The following COL8A2 variants were observed in gnomAD, a reference collection of about 807,000 sequenced individuals.
The protein encoded by COL8A2 is collagen type VIII alpha 2 chain.
In COL8A2, 16 loss-of-function variants were observed where a neutral mutation model predicts 24.0. The ratio of observed to expected loss-of-function variants is 0.67; its 90% CI spans 0.45 to 1.01. The LOEUF is 1.01. Among genes scored for constraint, COL8A2 ranks in the 50% least tolerant of loss-of-function variants. COL8A2 has a pLI of 0.00. For synonymous variants in COL8A2, 466 were observed against 424.5 expected (o/e 1.10, Z -1.20); for missense variants, 818 against 942.4 (o/e 0.87, Z 1.73).
intron 2 of COL8A2, among the ~76,000 whole-genome samples, chr1:36,113,219 G>T (rs1257734294): frequency 6.6e-6 from 1 of 152,222 alleles, no homozygotes; most frequent in African/African-American, 2.4e-5. Flanking sequence ...CCATCGCTGT[G>T]TGTCACTGAA....
At chr1:36,109,581 CTTTTTT>C (rs10715688) in intron 2 of COL8A2, among the ~76,000 whole-genome samples, 2 of 141,112 alleles carry the variant, frequency 1.4e-5, no homozygotes, top group Non-Finnish European at 3.2e-5. Flanking sequence ...AGTAACCACT[CTTTTTT>C]TTTTTTTTTC....
chr1:36,117,563 G>A (rs1382618073), intron 1 of COL8A2, among the ~76,000 whole-genome samples: 1 of 152,196 alleles, frequency 6.6e-6, no homozygotes, highest in Non-Finnish European at 1.5e-5. Flanking sequence ...AATATTCATT[G>A]TGTACCCACT....
chr1:36,114,714 C>T (rs1007676265), intron 2 of COL8A2, among the ~76,000 whole-genome samples: 3 of 152,068 alleles, frequency 2.0e-5, no homozygotes, highest in Admixed American at 2.0e-4. Context: ...CTGAGGCGGG[C>T]ACAGGGCATG....
chr1:36,122,959 G>A (rs1263926148), intron 1 of COL8A2, among the ~76,000 whole-genome samples: 1 of 151,754 alleles, frequency 6.6e-6, no homozygotes, highest in Non-Finnish European at 1.5e-5. Context: ...CTCTGCACGA[G>A]CTGTGCCCTC....
intron 1 of COL8A2, among the ~76,000 whole-genome samples, chr1:36,121,983 C>T (rs1210498455): frequency 6.6e-6 from 1 of 152,184 alleles, no homozygotes; most frequent in Non-Finnish European, 1.5e-5. Flanking sequence ...ACCTCTTCTT[C>T]CCCTTCAAAA....
chr1:36,118,590 C>A (rs1167675553), intron 1 of COL8A2, among the ~76,000 whole-genome samples: 1 of 152,200 alleles, frequency 6.6e-6, no homozygotes, highest in East Asian at 1.9e-4. Flanking sequence ...TCCTGGAGCC[C>A]CTCCCCTGGC....
chr1:36,106,505 G>A (rs976192652), intron 2 of COL8A2, among the ~76,000 whole-genome samples: 1 of 152,112 alleles, frequency 6.6e-6, no homozygotes, highest in Non-Finnish European at 1.5e-5. Flanking sequence ...ACAGGGGGAT[G>A]GGGGAGCAGA....
Position 36,099,466 on chromosome 1 carries a change from G to A in COL8A2, c.215C>T (p.Pro72Leu), listed in dbSNP as rs367993938. Residue 72 changes from proline (P) to leucine (L), a missense_variant, in exon 4 of 4, where the codon CCG (proline) becomes CTG (leucine). Coordinates refer to ENST00000397799, the MANE Select transcript of COL8A2 (RefSeq NM_005202.4). ...QYLEMPLPLLPMDLKGEPGPP... is the reference protein window; with the variant it reads ...QYLEMPLPLLLMDLKGEPGPP... ...GCCGGGCTCTCCCTTCAGGTCCATC[G>A]GCAGCAGCGGTAGAGGCATTTCTGA... is the stretch of plus-strand genomic sequence containing the variant. 142 of 1,541,064 alleles carry A rather than the reference G, an allele frequency of 9.2e-5. 1 individual carries two copies. The highest frequency in any genetic ancestry group is 2.2e-4 in the South Asian group (19 of 84,478).
chr1:36,099,428 G>A lies in COL8A2; in HGVS notation c.253C>T (p.Pro85Ser). 1.3e-6 allele frequency: 2 copies of A among 1,547,790 alleles called. No homozygotes were observed. The highest frequency in any genetic ancestry group is 1.7e-6 in the Non-Finnish European group (2 of 1,151,152). The change falls in exon 4 of 4, where the codon CCC (proline) becomes TCC (serine). Residue 85 changes from proline to serine, a missense_variant. Pro to Ser is a moderately conservative substitution (Grantham distance 74). This residue lies in a region of COL8A2 where 573 missense variants were observed against 616.8 expected (regional missense o/e 0.93). Coordinates refer to ENST00000397799, the MANE Select transcript of COL8A2 (RefSeq NM_005202.4). ...LKGEPGPPGK[P>S]GPRGPPGPPG... ...GGGCCAGGGGGACCCCGAGGCCCGG[G>A]CTTCCCAGGGGGGCCGGGCTCTCCC... is the stretch of plus-strand genomic sequence containing the variant.
At chr1:36,103,354 G>C (rs753246929) in intron 2 of COL8A2, among the ~76,000 whole-genome samples, 50 of 151,580 alleles carry the variant, frequency 3.3e-4, no homozygotes, top group Admixed American at 7.9e-4. Flanking sequence ...CTCACTGCAA[G>C]CTCCGCCTCC....
rs2124064865 is a variant in COL8A2, at chr1:36,095,870, CA to C, written c.*1698del. The C allele has an allele frequency of 6.6e-6, 1 of 152,338 alleles. No individual in the cohort carries two copies. Among genetic ancestry groups the C allele is most frequent in the South Asian group, 2.1e-4 (1 of 4,830 alleles). The allele number at this position is 152,338 out of a possible 1,614,324, so 9.4% of individuals were successfully genotyped here. On this transcript the variant is annotated 3_prime_UTR_variant, in exon 4 of 4. Transcript: ENST00000397799. ...TAAGAAATCCACCAGGAACCCCAGC[CA>C]AAACCTTCTCAAGTGTCACTTGGGC...
chr1:36,099,936 T>C (rs1162940427), intron 3 of COL8A2, 114 bp downstream of exon 3: 2 of 991,598 alleles, frequency 2.0e-6, no homozygotes, highest in Admixed American at 1.9e-5. Context: ...GTAGGAAAAT[T>C]GGTGGGGAAT....
At chr1:36,106,226 T>C (rs1034034263) in intron 2 of COL8A2, among the ~76,000 whole-genome samples, 1 of 150,062 alleles carries the variant, frequency 6.7e-6, no homozygotes, top group African/African-American at 2.5e-5. Context: ...ATGGCACCGC[T>C]GCACTCCAGC....
chr1:36,115,234 C>T lies in COL8A2; in HGVS notation c.-17+474G>A, dbSNP rs1304317920. On this transcript the variant is annotated intron_variant, in intron 2 of 3. Coordinates refer to ENST00000397799, the MANE Select transcript of COL8A2 (RefSeq NM_005202.4). This position sits in a 1 kb window ranked among gnomAD's most constrained non-coding sequence, Gnocchi z 5.7. ...CCCCCAGGCCTCAGGCAGGGGCAGG[C>T]GGGGCCTCCTCAGCCTCCAATCCCT... 1.3e-5 allele frequency among the ~76,000 whole-genome samples: 2 copies of T among 152,194 alleles called. No homozygotes were observed. The highest frequency in any genetic ancestry group is 4.8e-5 in the African/African-American group (2 of 41,456).
In COL8A2 at chr1:36,123,556, T is replaced by C. The variant is rs889800755; in HGVS notation, c.-62+1501A>G. Among the ~76,000 whole-genome samples, 1 of 152,040 alleles carries C rather than the reference T, an allele frequency of 6.6e-6. No individual in the cohort carries two copies. Among genetic ancestry groups the C allele is most frequent in the Non-Finnish European group, 1.5e-5 (1 of 67,986 alleles). On this transcript the variant is annotated intron_variant, in intron 1 of 3. Coordinates refer to ENST00000397799, the MANE Select transcript of COL8A2 (RefSeq NM_005202.4). The surrounding 1 kb of genome is among the most constrained non-coding windows in gnomAD (Gnocchi z 4.1). ...GAGTGTGTCTGGGTGTGAGCGTATG[T>C]GTGTGTGTGCCGTCCTGTCTGAGTA...
chr1:36,105,996 G>A (rs1485435211), intron 2 of COL8A2, among the ~76,000 whole-genome samples: 1 of 150,794 alleles, frequency 6.6e-6, no homozygotes. Flanking sequence ...GAGGAGGCAG[G>A]GCGCGGTGGC....
chr1:36,120,640 C>A (rs1643905588), intron 1 of COL8A2, among the ~76,000 whole-genome samples: 1 of 151,086 alleles, frequency 6.6e-6, no homozygotes, highest in Admixed American at 6.6e-5. Context: ...CCCAGCTACT[C>A]AGGAGGCTGA....
rs1191319046 is a variant in COL8A2 at position 36,095,841 on chromosome 1, G to T, written c.*1728C>A. On this transcript the variant is annotated 3_prime_UTR_variant, in exon 4 of 4. Transcript: ENST00000397799. ...CTTAGTTGGTTTTCTTGGGCGTTAGGTAGTAAGAAATCCACCAGGAACCCC... is the reference window on the plus strand; with the variant it reads ...CTTAGTTGGTTTTCTTGGGCGTTAGTTAGTAAGAAATCCACCAGGAACCCC... 6.6e-6 allele frequency: 1 copy of T among 152,176 alleles called. No individual in the cohort carries two copies. Among genetic ancestry groups the T allele is most frequent in the East Asian group, 1.9e-4 (1 of 5,202 alleles). The allele number at this position is 152,176 out of a possible 1,614,324, so 9.4% of individuals were successfully genotyped here.
chr1:36,109,044 CACAGGGTG>C, intron 2 of COL8A2, among the ~76,000 whole-genome samples: 1 of 152,214 alleles, frequency 6.6e-6, no homozygotes, highest in East Asian at 1.9e-4. Context: ...GGCAGACCCC[CACAGGGTG>C]GGTGGATGAA....
Sources: gnomAD v4.1 joint callset for allele counts (sites outside exome capture counted in the v4.1 genomes callset) on GRCh38, gnomAD v4.1.1 for gene constraint, gnomAD v4.1.1 regional missense constraint, Gnocchi (gnomAD v3.1) non-coding constraint, MANE v1.5 for transcripts, NCBI Gene and HGNC (gene_info 2026-07-23, HGNC 2026-07-21) for gene names.